The following VPS13D variants were observed in gnomAD, a reference collection of about 807,000 sequenced individuals.
VPS13D encodes intermembrane lipid transfer protein VPS13D.
Under a neutral mutation model 461.9 loss-of-function variants are expected in VPS13D, and 187 were observed. That is an observed-to-expected ratio of 0.40 (90% confidence interval 0.36 to 0.46). The LOEUF (loss-of-function observed/expected upper bound fraction) is 0.46. VPS13D is among the 20% of genes least tolerant of loss of function. VPS13D has a pLI of 0.60. For synonymous variants in VPS13D, 1,951 were observed against 1,986.3 expected, an observed-to-expected ratio of 0.98 and a Z score of 0.47; for missense variants, 4,711 against 5,364.9, an observed-to-expected ratio of 0.88 and a Z score of 3.81.
Position 12,368,534 on chromosome 1 carries a change from C to T in VPS13D, c.10515C>T (p.Ile3505=). The change falls in exon 53 of 70, where the codon ATC becomes ATT. Residue 3505 remains isoleucine (I), a synonymous_variant. Coordinates refer to ENST00000620676, the MANE Select transcript of VPS13D (RefSeq NM_015378.4). ...CTCTCCGAGGAGCTACGTATAGGAT[C>T]TCATTTAGTGACACAGATCAGTTAC... ...EITLRGATYR[I]SFSDTDQLPP... 6.2e-7 allele frequency: 1 copy of T among 1,613,930 alleles called. No homozygotes were observed. The highest frequency in any genetic ancestry group is 8.5e-7 in the Non-Finnish European group (1 of 1,179,896).
intron 65 of VPS13D, among the ~76,000 whole-genome samples, chr1:12,427,358 A>C (rs1644936412): frequency 6.6e-6 from 1 of 151,632 alleles, no homozygotes; most frequent in Admixed American, 6.6e-5. Context: ...GGCCAAACAA[A>C]AAGTGGTAGA....
At chr1:12,338,958 G>C (rs960054819) in intron 40 of VPS13D, among the ~76,000 whole-genome samples, 1 of 152,192 alleles carries the variant, frequency 6.6e-6, no homozygotes, top group Non-Finnish European at 1.5e-5. Context: ...AGGGAGTGCA[G>C]TTTAATCTGA....
chr1:12,310,029 A>G (rs1054443475), intron 27 of VPS13D, among the ~76,000 whole-genome samples: 11 of 152,146 alleles, frequency 7.2e-5, no homozygotes, highest in Non-Finnish European at 1.6e-4. Flanking sequence ...CTGGCTAAGC[A>G]GTCTTAAGAG....
intron 65 of VPS13D, among the ~76,000 whole-genome samples, chr1:12,450,138 A>G (rs968713214): frequency 3.9e-5 from 6 of 152,158 alleles, no homozygotes; most frequent in Admixed American, 1.3e-4. Context: ...AAAAAGAGCA[A>G]TCCCTTACAG....
chr1:12,287,733 GAAA>G (rs1310880716), intron 21 of VPS13D, among the ~76,000 whole-genome samples: 4 of 152,162 alleles, frequency 2.6e-5, no homozygotes, highest in Admixed American at 6.5e-5. Flanking sequence ...TTGTCCCTAG[GAAA>G]GAAAATCTTT....
intron 29 of VPS13D, among the ~76,000 whole-genome samples, chr1:12,313,299 CTTTT>C (rs765170972): frequency 5.1e-5 from 6 of 117,604 alleles, no homozygotes; most frequent in Non-Finnish European, 1.1e-4. Flanking sequence ...TTATTCTTTC[CTTTT>C]TTTTTTTTTT....
In VPS13D at chr1:12,230,877, C is replaced by G. The variant is rs145470360; in HGVS notation, c.-77+757C>G. ...TTACTTGGGTGGTGGGGTCTCTGTC[C>G]CCTGGAGGGGGCTGAGGGTTCCGAG... On this transcript the variant is annotated intron_variant, in intron 1 of 69. Transcript: ENST00000620676. 4.6e-3 allele frequency among the ~76,000 whole-genome samples: 707 copies of G among 152,188 alleles called. 4 individuals carry two copies. Among genetic ancestry groups the G allele is most frequent in the African/African-American group, 0.016 (682 of 41,542 alleles).
chr1:12,323,573 G>A, intron 34 of VPS13D, 133 bp from the exon 35 acceptor site: 1 of 770,958 alleles, frequency 1.3e-6, no homozygotes, highest in Non-Finnish European at 2.1e-6. Context: ...CCAATTAGGA[G>A]TCCAGTTTTG....
At chr1:12,317,281 T>C (rs1219833742) in intron 30 of VPS13D, among the ~76,000 whole-genome samples, 3 of 152,112 alleles carry the variant, frequency 2.0e-5, no homozygotes. Context: ...TTATTTCTTA[T>C]CATATTAATA....
chr1:12,364,522 C>T (rs1303747645), intron 52 of VPS13D, among the ~76,000 whole-genome samples: 1 of 152,180 alleles, frequency 6.6e-6, no homozygotes, highest in Non-Finnish European at 1.5e-5. Context: ...TGTTGGATCA[C>T]ATGATCATTC....
chr1:12,483,757 T>C (rs1645755556), intron 67 of VPS13D, among the ~76,000 whole-genome samples: 1 of 151,810 alleles, frequency 6.6e-6, no homozygotes, highest in African/African-American at 2.4e-5. Flanking sequence ...CCCAGCACTT[T>C]GGGAGGCCGA....
intron 29 of VPS13D, among the ~76,000 whole-genome samples, chr1:12,312,405 C>T (rs1040058398): frequency 5.3e-5 from 8 of 152,118 alleles, no homozygotes; most frequent in African/African-American, 1.4e-4. Context: ...TGAGTAGTTA[C>T]GGGGTGGGAG....
At chr1:12,272,903 A>T in intron 17 of VPS13D, 100 bp from the exon 18 acceptor site, 21 of 1,487,122 alleles carry the variant, frequency 1.4e-5, no homozygotes, top group Non-Finnish European at 1.9e-5. Flanking sequence ...TCACTGAGTC[A>T]CTCCATAATC....
chr1:12,284,601 C>T (rs186010863), intron 21 of VPS13D, among the ~76,000 whole-genome samples: 38 of 152,312 alleles, frequency 2.5e-4, no homozygotes, highest in African/African-American at 8.4e-4. Context: ...CACTAGCACT[C>T]GTCCAGAGCC....
At chr1:12,482,074 G>C (rs1349943197) in intron 67 of VPS13D, among the ~76,000 whole-genome samples, 1 of 152,222 alleles carries the variant, frequency 6.6e-6, no homozygotes, top group Non-Finnish European at 1.5e-5. Context: ...GGGTCAGAAA[G>C]CAAGACCGTG....
intron 67 of VPS13D, 113 bp downstream of exon 67, chr1:12,460,509 T>G: frequency 9.9e-7 from 1 of 1,009,746 alleles, no homozygotes; most frequent in Non-Finnish European, 1.3e-6. Context: ...GGTTTTTAAT[T>G]CAAATACTTG....
intron 37 of VPS13D, among the ~76,000 whole-genome samples, chr1:12,331,525 A>T (rs970774817): frequency 1.3e-5 from 2 of 151,542 alleles, no homozygotes; most frequent in Non-Finnish European, 2.9e-5. Flanking sequence ...GGCTAACATG[A>T]TGAAACCCCA....
rs1439092998 is a variant in VPS13D at position 12,400,960 on chromosome 1, GCGCACACACACACA to G, written c.11784+632_11785-633del. ...TAGAGTGAGATGTGCACCTGCGCGC[GCGCACACACACACA>G]CACACACACACACACACACACACAC... is the stretch of plus-strand genomic sequence containing the variant. On this transcript the variant is annotated intron_variant, in intron 61 of 69. Coordinates refer to ENST00000620676, the MANE Select transcript of VPS13D (RefSeq NM_015378.4). Among the ~76,000 whole-genome samples, 30 of 131,030 alleles carry G rather than the reference GCGCACACACACACA, an allele frequency of 2.3e-4. No individual in the cohort carries two copies. In the South Asian group the frequency reaches 5.0e-3, roughly 22 times the overall value. The allele number at this position is 131,030 out of a possible 152,430, so 86.0% of individuals were successfully genotyped here.
intron 67 of VPS13D, among the ~76,000 whole-genome samples, chr1:12,467,370 C>T (rs1645500852): frequency 6.6e-6 from 1 of 152,152 alleles, no homozygotes; most frequent in African/African-American, 2.4e-5. Flanking sequence ...TGGGGTTTCA[C>T]CATGTTGGCC....
Sources: gnomAD v4.1 joint callset for allele counts (sites outside exome capture counted in the v4.1 genomes callset) on GRCh38, gnomAD v4.1.1 for gene constraint, MANE v1.5 for transcripts, NCBI Gene and HGNC (gene_info 2026-07-23, HGNC 2026-07-21) for gene names.